SLC38A10: variants seen among roughly 807,000 people sequenced by gnomAD.
The protein encoded by SLC38A10 is Sodium-coupled neutral amino acid transporter 10.
Under a neutral mutation model 81.0 loss-of-function variants are expected in SLC38A10, and 53 were observed. The observed-to-expected ratio is 0.65, with a 90% CI of 0.53 to 0.82. SLC38A10 has a LOEUF of 0.82. Among genes scored for constraint, SLC38A10 ranks in the 40% least tolerant of loss-of-function variants. The pLI, the probability that SLC38A10 is intolerant of heterozygous loss-of-function variation, is 0.00. For missense variants in SLC38A10, 1,471 were observed against 1,545.0 expected, an observed-to-expected ratio of 0.95 and a Z score of 0.80; for synonymous variants, 665 against 655.3, an observed-to-expected ratio of 1.01 and a Z score of -0.23.
In SLC38A10 at chr17:81,276,964, CACGGGGCACCACGGCACAT is replaced by C. The variant is rs2063167440; in HGVS notation, c.729+48_729+66del. 3 of 1,498,202 alleles carry C rather than the reference CACGGGGCACCACGGCACAT, an allele frequency of 2.0e-6. No individual in the cohort carries two copies. In the African/African-American group the frequency reaches 4.1e-5, roughly 21 times the overall value. 92.8% of individuals were successfully genotyped at this position (1,498,202 alleles called of 1,614,324 possible). ...GCCAGGGCCATGCCTGTGGCAGTCCCACGGGGCACCACGGCACATCATGCTGGCATGACACAGGGGCGGA... is the reference window on the plus strand; with the variant it reads ...GCCAGGGCCATGCCTGTGGCAGTCCCCATGCTGGCATGACACAGGGGCGGA... On this transcript the variant is annotated intron_variant, in intron 7 of 15. Coordinates refer to ENST00000374759, the MANE Select transcript of SLC38A10 (RefSeq NM_001037984.3). The surrounding 1 kb of genome is among the most constrained non-coding windows in gnomAD (Gnocchi z 4.7).
intron 1 of SLC38A10, among the ~76,000 whole-genome samples, chr17:81,293,662 G>A (rs562562096): frequency 1.3e-5 from 2 of 152,138 alleles, no homozygotes; most frequent in South Asian, 2.1e-4. Context: ...TTGTAGAGAC[G>A]GGGTCTTACT....
chr17:81,249,467 AGGGAAG>A (rs1195178746), intron 14 of SLC38A10, among the ~76,000 whole-genome samples: 127 of 5,880 alleles, frequency 0.022, 11 homozygotes, highest in Non-Finnish European at 0.028. Context: ...AGGAGGGAGG[AGGGAAG>A]AGGAGGGAGG....
At chr17:81,248,082 C>T (rs922937800) in intron 14 of SLC38A10, among the ~76,000 whole-genome samples, 14 of 151,500 alleles carry the variant, frequency 9.2e-5, no homozygotes, top group South Asian at 6.3e-4. Flanking sequence ...CTCAGCCTCC[C>T]GAGTAGCTGG....
At chr17:81,291,129 G>A (rs886996286) in intron 1 of SLC38A10, among the ~76,000 whole-genome samples, 1 of 152,148 alleles carries the variant, frequency 6.6e-6, no homozygotes, top group Non-Finnish European at 1.5e-5. Flanking sequence ...TGGACGGTGA[G>A]GGGGGCGGGG....
rs1457500559 is a variant in SLC38A10 at position 81,277,930 on chromosome 17, C to T, written c.627-797G>A. Reference sequence around the variant, plus strand: ...TCTGCCATGGGGCTGAACGAGGACTCTGGAGTGGGAGTCCAGGGGGGTGCT... The same window carrying T: ...TCTGCCATGGGGCTGAACGAGGACTTTGGAGTGGGAGTCCAGGGGGGTGCT... On this transcript the variant is annotated intron_variant, in intron 6 of 15. Transcript: ENST00000374759. This position sits in a 1 kb window ranked among gnomAD's most constrained non-coding sequence, Gnocchi z 4.5. Among the ~76,000 whole-genome samples, 1 of 151,546 alleles carries T rather than the reference C, an allele frequency of 6.6e-6. No individual in the cohort carries two copies. The highest frequency in any genetic ancestry group is 2.4e-5 in the African/African-American group (1 of 41,220).
chr17:81,290,729 C>T (rs998794767), intron 1 of SLC38A10, among the ~76,000 whole-genome samples: 6 of 152,188 alleles, frequency 3.9e-5, no homozygotes, highest in Middle Eastern at 3.4e-3. Context: ...GTCAATCAGC[C>T]GGGCACGGTG....
At chr17:81,293,259 G>A (rs2063323976) in intron 1 of SLC38A10, among the ~76,000 whole-genome samples, 1 of 152,380 alleles carries the variant, frequency 6.6e-6, no homozygotes, top group South Asian at 2.1e-4. Flanking sequence ...AGTCACAGTG[G>A]ACACTGGGAC....
In SLC38A10 at chr17:81,289,973, G is replaced by T. The variant is rs2063297775; in HGVS notation, c.100-165C>A. Among the ~76,000 whole-genome samples the T allele has an allele frequency of 6.6e-6, 1 of 152,188 alleles. No homozygotes were observed. Among genetic ancestry groups the T allele is most frequent in the South Asian group, 2.1e-4 (1 of 4,822 alleles). ...CTAGCACTGAAAGGGCCATTTCCTT[G>T]CTGTGGTGGCCGCGCGCCTTGTCCA... On this transcript the variant is annotated intron_variant, in intron 1 of 15. Coordinates refer to ENST00000374759, the MANE Select transcript of SLC38A10 (RefSeq NM_001037984.3). This position sits in a 1 kb window ranked among gnomAD's most constrained non-coding sequence, Gnocchi z 5.9.
chr17:81,253,643 CCAT>C lies in SLC38A10; in HGVS notation c.1289-406_1289-404del, dbSNP rs890647878. Among the ~76,000 whole-genome samples the C allele has an allele frequency of 2.6e-4, 40 of 151,822 alleles. No homozygotes were observed. The highest frequency in any genetic ancestry group is 8.7e-4 in the African/African-American group (36 of 41,358). ...ATCACCATCATCTCCATCCCTACCA[CCAT>C]CAACATCACCATCATCACCATCATC... is the stretch of plus-strand genomic sequence containing the variant. On this transcript the variant is annotated intron_variant, in intron 11 of 15. Coordinates refer to ENST00000374759, the MANE Select transcript of SLC38A10 (RefSeq NM_001037984.3). This position sits in a 1 kb window ranked among gnomAD's most constrained non-coding sequence, Gnocchi z 4.1.
chr17:81,290,648 G>A (rs1391988315), intron 1 of SLC38A10, among the ~76,000 whole-genome samples: 1 of 152,186 alleles, frequency 6.6e-6, no homozygotes, highest in African/African-American at 2.4e-5. Flanking sequence ...GACCCTCTGG[G>A]GGATGAAGCT....
rs1246631902 is a variant in SLC38A10, at chr17:81,286,717, G to C, written c.218-1822C>G. ...TCCATGCAGGGTGTACCCTACCCCA[G>C]GTGCAGTCAGATCTCCCCCAGAGCC... On this transcript the variant is annotated intron_variant, in intron 2 of 15. Transcript: ENST00000374759. This position sits in a 1 kb window ranked among gnomAD's most constrained non-coding sequence, Gnocchi z 6.0. Among the ~76,000 whole-genome samples, 1 of 152,096 alleles carries C rather than the reference G, an allele frequency of 6.6e-6. No homozygotes were observed. The highest frequency in any genetic ancestry group is 1.5e-5 in the Non-Finnish European group (1 of 68,008).
chr17:81,274,007 G>A lies in SLC38A10; in HGVS notation c.913-1380C>T, dbSNP rs141943813. Among the ~76,000 whole-genome samples, 467 of 152,362 alleles carry A rather than the reference G, an allele frequency of 3.1e-3. 5 individuals carry two copies. Among genetic ancestry groups the A allele is most frequent in the African/African-American group, 0.011 (448 of 41,584 alleles). On this transcript the variant is annotated intron_variant, in intron 8 of 15. Transcript: ENST00000374759. ...TCCACCTTGGGATGAAGGGGGTTGCGTAAGCTTTCCTACTTGAGTCACAAT... is the reference window on the plus strand; with the variant it reads ...TCCACCTTGGGATGAAGGGGGTTGCATAAGCTTTCCTACTTGAGTCACAAT...
rs1363352847 is a variant in SLC38A10 at position 81,281,512 on chromosome 17, C to T, written c.501+677G>A. Among the ~76,000 whole-genome samples, 2 of 152,106 alleles carry T rather than the reference C, an allele frequency of 1.3e-5. No homozygotes were observed. Among genetic ancestry groups the T allele is most frequent in the African/African-American group, 4.8e-5 (2 of 41,404 alleles). ...ATAATAGCGGCCGGGCGTGGTGGCT[C>T]ATGCCTGTAACCCCAGCACTTTGGG... is the stretch of plus-strand genomic sequence containing the variant. On this transcript the variant is annotated intron_variant, in intron 5 of 15. Coordinates refer to ENST00000374759, the MANE Select transcript of SLC38A10 (RefSeq NM_001037984.3). This position sits in a 1 kb window ranked among gnomAD's most constrained non-coding sequence, Gnocchi z 5.3.
Position 81,253,330 on chromosome 17 carries a change from C to A in SLC38A10, c.1289-90G>T. The A allele has an allele frequency of 6.8e-7, 1 of 1,467,160 alleles. No individual in the cohort carries two copies. The highest frequency in any genetic ancestry group is 1.3e-5 in the South Asian group (1 of 77,588). The allele number at this position is 1,467,160 out of a possible 1,614,324, so 90.9% of individuals were successfully genotyped here. A position where few individuals can be genotyped will look rare whatever the true frequency, so the allele number is the denominator to read the frequency against. On this transcript the variant is annotated intron_variant, in intron 11 of 15. Transcript: ENST00000374759. The surrounding 1 kb of genome is among the most constrained non-coding windows in gnomAD (Gnocchi z 4.1). ...CTGGACTGTTACCATATTTTCCAGC[C>A]AAATGGCAGAGTCAAAGCAGTTTCT...
At position 81,272,506 on chromosome 17, in the gene SLC38A10, C is replaced by A. The variant is rs1467690617; in HGVS notation, c.1024+10G>T. 6.3e-7 allele frequency: 1 copy of A among 1,578,146 alleles called. No homozygotes were observed. Among genetic ancestry groups the A allele is most frequent in the East Asian group, 2.3e-5 (1 of 42,944 alleles). ...CACTCCCCGGCAACAGGGCAGCCCT[C>A]CCGCCTTACCGTTGGGGATAAGGAT... is the stretch of plus-strand genomic sequence containing the variant. On this transcript the variant is annotated intron_variant, in intron 9 of 15. Coordinates refer to ENST00000374759, the MANE Select transcript of SLC38A10 (RefSeq NM_001037984.3).
At chr17:81,284,816 T>TG in intron 3 of SLC38A10, 34 bp downstream of exon 3, 3 of 1,211,332 alleles carry the variant, frequency 2.5e-6, no homozygotes, top group Non-Finnish European at 3.3e-6. Context: ...GGTGCGGGGG[T>TG]GGGGGGCAAG....
intron 10 of SLC38A10, among the ~76,000 whole-genome samples, chr17:81,261,373 G>A (rs545019016): frequency 6.6e-6 from 1 of 152,344 alleles, no homozygotes; most frequent in Middle Eastern, 3.4e-3. Context: ...CCAGGGAAGC[G>A]CTAACTCCCG....
intron 12 of SLC38A10, 107 bp downstream of exon 12, chr17:81,252,966 G>A (rs1441702683): frequency 2.2e-6 from 3 of 1,392,668 alleles, no homozygotes; most frequent in African/African-American, 2.9e-5. Context: ...GGGCTGAAGG[G>A]AAAAAGATAC....
Position 81,271,917 on chromosome 17 carries a change from C to T in SLC38A10, c.1024+599G>A, listed in dbSNP as rs139339628. ...AATTTTTTTGTATTTTTAGTAGAGA[C>T]GGGGTTTCACCGTGTTAGCCAGGAT... On this transcript the variant is annotated intron_variant, in intron 9 of 15. Transcript: ENST00000374759. Among the ~76,000 whole-genome samples, 1,238 of 151,798 alleles carry T rather than the reference C, an allele frequency of 8.2e-3. 31 individuals are homozygous for T. The highest frequency in any genetic ancestry group is 0.072 in the East Asian group (369 of 5,152).
Sources: allele counts gnomAD v4.1 joint callset (sites outside exome capture counted in the v4.1 genomes callset), GRCh38; gene constraint gnomAD v4.1.1; non-coding constraint Gnocchi (gnomAD v3.1); transcripts MANE v1.5; gene names NCBI Gene and HGNC (gene_info 2026-07-23, HGNC 2026-07-21).